Variants in IL1RAPL1 observed in about 807,000 individuals in gnomAD.
IL1RAPL1 encodes interleukin-1 receptor accessory protein-like 1.
A neutral mutation model predicts 48.4 loss-of-function variants in IL1RAPL1; 3 were observed. The ratio of observed to expected loss-of-function variants is 0.06; its 90% CI spans 0.03 to 0.16. IL1RAPL1 has a LOEUF of 0.16. IL1RAPL1 is among the 10% of genes least tolerant of loss of function. The probability of loss-of-function intolerance (pLI) is 1.00; values close to 1 mark genes in which losing one functional copy is unlikely to be tolerated. For missense variants in IL1RAPL1, 349 were observed against 530.6 expected (o/e 0.66, Z 3.36); for synonymous variants, 185 against 187.7 (o/e 0.99, Z 0.12).
At chrX:29,520,929 G>T (rs1935495837) in intron 5 of IL1RAPL1, among the ~76,000 whole-genome samples, 1 of 111,058 alleles carries the variant, frequency 9.0e-6, no homozygotes, top group African/African-American at 3.3e-5. Context: ...AATTTGCTTT[G>T]TATGTGCCGG....
intron 3 of IL1RAPL1, among the ~76,000 whole-genome samples, chrX:29,313,931 A>T (rs756294206): frequency 8.9e-6 from 1 of 112,423 alleles, no homozygotes; most frequent in African/African-American, 3.2e-5. Flanking sequence ...AATTCTGTAA[A>T]TATTAAAAAC....
chrX:29,124,440 G>T (rs943395810), intron 2 of IL1RAPL1, among the ~76,000 whole-genome samples: 19 of 112,204 alleles, frequency 1.7e-4, no homozygotes, highest in African/African-American at 5.8e-4. Flanking sequence ...TTAGCAAAGA[G>T]TTAACTATCA....
chrX:29,401,697 G>A (rs1933994684), intron 5 of IL1RAPL1, among the ~76,000 whole-genome samples: 1 of 108,430 alleles, frequency 9.2e-6, no homozygotes, highest in Non-Finnish European at 1.9e-5. Context: ...AAAAAAAGAG[G>A]AATCCTATAC....
intron 5 of IL1RAPL1, among the ~76,000 whole-genome samples, chrX:29,482,829 C>T (rs1935055245): frequency 8.9e-6 from 1 of 111,909 alleles, no homozygotes; most frequent in South Asian, 3.7e-4. Flanking sequence ...CATGGTCATT[C>T]CTTGTAATAT....
chrX:28,981,125 A>G (rs1925328001), intron 2 of IL1RAPL1, among the ~76,000 whole-genome samples: 1 of 97,719 alleles, frequency 1.0e-5, no homozygotes, highest in Non-Finnish European at 2.0e-5. Context: ...AAAAAAAAAA[A>G]AAAGGAAAGA....
At chrX:29,405,354 T>C (rs1934045765) in intron 5 of IL1RAPL1, among the ~76,000 whole-genome samples, 1 of 103,459 alleles carries the variant, frequency 9.7e-6, no homozygotes, top group Admixed American at 9.9e-5. Context: ...ATATTTTCTC[T>C]GTGTTCTTTA....
chrX:29,111,135 AC>A (rs1928556956), intron 2 of IL1RAPL1, among the ~76,000 whole-genome samples: 1 of 111,548 alleles, frequency 9.0e-6, no homozygotes, highest in Non-Finnish European at 1.9e-5. Flanking sequence ...CTGTGTAAAC[AC>A]CACCTACCTT....
At chrX:28,978,545 G>A (rs890156685) in intron 2 of IL1RAPL1, among the ~76,000 whole-genome samples, 3 of 111,986 alleles carry the variant, frequency 2.7e-5, no homozygotes, top group African/African-American at 9.8e-5. Flanking sequence ...GAATTTTGGG[G>A]TGATGCCTTG....
At chrX:29,269,944 G>T (rs2147590654) in intron 2 of IL1RAPL1, among the ~76,000 whole-genome samples, 1 of 110,706 alleles carries the variant, frequency 9.0e-6, no homozygotes, top group African/African-American at 3.3e-5. Context: ...CACTATCCCA[G>T]ACAATCACTG....
At chrX:29,563,220 T>C (rs1922298308) in intron 5 of IL1RAPL1, among the ~76,000 whole-genome samples, 1 of 112,145 alleles carries the variant, frequency 8.9e-6, no homozygotes. Flanking sequence ...CAGTTTTATG[T>C]ATTCCAGATA....
chrX:28,711,830 A>T (rs968090994), intron 1 of IL1RAPL1, among the ~76,000 whole-genome samples: 4 of 109,607 alleles, frequency 3.6e-5, no homozygotes, highest in African/African-American at 1.3e-4. Context: ...ATTTAAAAAT[A>T]TGTGAGCAAT....
At chrX:29,483,090 G>C (rs1935058164) in intron 5 of IL1RAPL1, among the ~76,000 whole-genome samples, 1 of 111,730 alleles carries the variant, frequency 9.0e-6, no homozygotes, top group South Asian at 3.7e-4. Context: ...AGAAGAAAAT[G>C]GAATAATTTA....
At chrX:29,412,828 T>C (rs1195776658) in intron 5 of IL1RAPL1, among the ~76,000 whole-genome samples, 2 of 112,274 alleles carry the variant, frequency 1.8e-5, no homozygotes, top group Non-Finnish European at 3.8e-5. Context: ...GTGTTGAGAC[T>C]GTGAATAGTC....
At chrX:29,279,247 C>A (rs745954512) in intron 2 of IL1RAPL1, among the ~76,000 whole-genome samples, 35 of 110,982 alleles carry the variant, frequency 3.2e-4, no homozygotes, top group Admixed American at 7.7e-4. Flanking sequence ...GCCAGTCTGA[C>A]CAACATGGTG....
At chrX:29,483,690 T>C (rs1450628750) in intron 5 of IL1RAPL1, among the ~76,000 whole-genome samples, 4 of 80,664 alleles carry the variant, frequency 5.0e-5, no homozygotes, top group Non-Finnish European at 1.0e-4. Context: ...ACAGTAGTAG[T>C]AGTTTTTTTT....
intron 5 of IL1RAPL1, among the ~76,000 whole-genome samples, chrX:29,575,322 A>G (rs1318914145): frequency 3.6e-5 from 4 of 111,955 alleles, no homozygotes; most frequent in Non-Finnish European, 5.6e-5. Context: ...AGCTGGGAAA[A>G]CAAGGAAATA....
intron 2 of IL1RAPL1, among the ~76,000 whole-genome samples, chrX:28,923,866 GT>G (rs1296424997): frequency 9.0e-6 from 1 of 111,463 alleles, no homozygotes; most frequent in Non-Finnish European, 1.9e-5. Context: ...AAAAATATTG[GT>G]TTTTGTCATC....
At chrX:28,954,960 A>G (rs1487833376) in intron 2 of IL1RAPL1, among the ~76,000 whole-genome samples, 1 of 111,886 alleles carries the variant, frequency 8.9e-6, no homozygotes, top group Non-Finnish European at 1.9e-5. Flanking sequence ...GTATCATGTC[A>G]TTTTATGCTA....
At chrX:28,962,882 A>ATGTGTGTGTG (rs56826606) in intron 2 of IL1RAPL1, among the ~76,000 whole-genome samples, 1 of 96,008 alleles carries the variant, frequency 1.0e-5, no homozygotes, top group African/African-American at 3.8e-5. Flanking sequence ...GTCTGTGTGT[A>ATGTGTGTGTG]TGTGTGTGTG....
Sources: gnomAD v4.1 joint callset for allele counts (sites outside exome capture counted in the v4.1 genomes callset) on GRCh38, gnomAD v4.1.1 for gene constraint, MANE v1.5 for transcripts, NCBI Gene and HGNC (gene_info 2026-07-23, HGNC 2026-07-21) for gene names.